FBXL7: variants seen among roughly 807,000 people sequenced by gnomAD.
FBXL7 encodes the protein F-box and leucine rich repeat protein 7.
Under a neutral mutation model 38.3 loss-of-function variants are expected in FBXL7, and 12 were observed. The ratio of observed to expected loss-of-function variants is 0.31; its 90% CI spans 0.20 to 0.51. The LOEUF (loss-of-function observed/expected upper bound fraction) is 0.51, where lower values mean the gene tolerates loss of function less well. Ranked by LOEUF, FBXL7 falls within the 20% of genes least tolerant of loss-of-function variation. The pLI is 0.98. For missense variants in FBXL7, 567 were observed against 676.4 expected (o/e 0.84, Z 1.79); for synonymous variants, 297 against 300.9 (o/e 0.99, Z 0.13).
At chr5:15,658,975 C>T (rs1290169974) in intron 2 of FBXL7, among the ~76,000 whole-genome samples, 1 of 152,122 alleles carries the variant, frequency 6.6e-6, no homozygotes, top group Non-Finnish European at 1.5e-5. Flanking sequence ...TTCACTGGGA[C>T]TTCTTGCCAC....
intron 2 of FBXL7, among the ~76,000 whole-genome samples, chr5:15,917,550 G>A (rs1290025358): frequency 1.3e-5 from 2 of 151,996 alleles, no homozygotes; most frequent in African/African-American, 4.8e-5. Flanking sequence ...CAAGGTTGCA[G>A]TGAGCTTTGA....
chr5:15,566,981 G>A (rs1281536637), intron 1 of FBXL7, among the ~76,000 whole-genome samples: 1 of 152,112 alleles, frequency 6.6e-6, no homozygotes, highest in African/African-American at 2.4e-5. Context: ...GGGGATCTGA[G>A]AGAACAATCA....
chr5:15,516,903 C>G (rs946236546), intron 1 of FBXL7, among the ~76,000 whole-genome samples: 18 of 152,202 alleles, frequency 1.2e-4, no homozygotes, highest in African/African-American at 4.3e-4. Flanking sequence ...CTATGCTGAA[C>G]TGTGAGTCAG....
intron 2 of FBXL7, among the ~76,000 whole-genome samples, chr5:15,746,533 C>T (rs1736018070): frequency 6.6e-6 from 1 of 151,912 alleles, no homozygotes; most frequent in Admixed American, 6.6e-5. Flanking sequence ...ATTGTGTCCT[C>T]ACATGGCAGG....
intron 3 of FBXL7, among the ~76,000 whole-genome samples, chr5:15,931,823 C>T (rs559713090): frequency 1.3e-5 from 2 of 152,246 alleles, no homozygotes; most frequent in South Asian, 4.1e-4. Flanking sequence ...GCCTGCTGCC[C>T]CTCCTCGAGA....
chr5:15,548,835 T>C (rs939616582), intron 1 of FBXL7, among the ~76,000 whole-genome samples: 13 of 152,202 alleles, frequency 8.5e-5, no homozygotes, highest in African/African-American at 3.1e-4. Context: ...GCAGGGAATC[T>C]ACATTTTTAC....
At chr5:15,886,245 G>T (rs887989975) in intron 2 of FBXL7, among the ~76,000 whole-genome samples, 2 of 151,960 alleles carry the variant, frequency 1.3e-5, no homozygotes, top group African/African-American at 4.8e-5. Context: ...AAATGTATAT[G>T]TGCATACCTG....
chr5:15,550,196 G>C (rs576737941), intron 1 of FBXL7, among the ~76,000 whole-genome samples: 1 of 152,284 alleles, frequency 6.6e-6, no homozygotes, highest in East Asian at 1.9e-4. Flanking sequence ...AACTTGGCAG[G>C]ACTTTTCGAA....
At chr5:15,541,381 T>TAC (rs1214934755) in intron 1 of FBXL7, among the ~76,000 whole-genome samples, 5 of 144,170 alleles carry the variant, frequency 3.5e-5, no homozygotes, top group South Asian at 2.2e-4. Flanking sequence ...CATATATATA[T>TAC]ACACACACAT....
chr5:15,888,446 C>T (rs1370526617), intron 2 of FBXL7, among the ~76,000 whole-genome samples: 5 of 151,974 alleles, frequency 3.3e-5, no homozygotes, highest in African/African-American at 1.2e-4. Flanking sequence ...CCAGGCTGGT[C>T]TCGAACTCCT....
intron 2 of FBXL7, among the ~76,000 whole-genome samples, chr5:15,669,243 T>G (rs1441681840): frequency 6.6e-6 from 1 of 152,196 alleles, no homozygotes; most frequent in African/African-American, 2.4e-5. Context: ...GTTTTCTTAT[T>G]GAGGTATGAT....
intron 1 of FBXL7, among the ~76,000 whole-genome samples, chr5:15,565,460 G>T (rs1738539956): frequency 4.6e-5 from 7 of 151,654 alleles, no homozygotes; most frequent in Admixed American, 4.6e-4. Flanking sequence ...GAACCAATAG[G>T]AGATGTATGT....
chr5:15,526,933 G>A (rs1025668485), intron 1 of FBXL7, among the ~76,000 whole-genome samples: 3 of 152,078 alleles, frequency 2.0e-5, no homozygotes, highest in Admixed American at 6.5e-5. Flanking sequence ...TTACAATGTC[G>A]GGCTCTCCGT....
intron 1 of FBXL7, among the ~76,000 whole-genome samples, chr5:15,503,687 T>A (rs1371022089): frequency 6.6e-6 from 1 of 152,230 alleles, no homozygotes; most frequent in Non-Finnish European, 1.5e-5. Context: ...GCTGCCTGAT[T>A]TGCGAATTGT....
At chr5:15,739,261 C>T (rs1262376106) in intron 2 of FBXL7, among the ~76,000 whole-genome samples, 1 of 152,148 alleles carries the variant, frequency 6.6e-6, no homozygotes, top group African/African-American at 2.4e-5. Context: ...TTGATTCTGC[C>T]TCTTGCCCTT....
chr5:15,936,892 G>C lies in FBXL7; in HGVS notation c.1182G>C (p.Val394=). ...GCGAGGGCATCACGGACCACGGTGT[G>C]GAGTACCTCGCCAAGAACTGCACCA... The part of the protein sequence containing the change: ...RGCEGITDHG[V]EYLAKNCTKL... The change falls in exon 4 of 4, where the codon GTG becomes GTC. Residue 394 remains valine (V), a synonymous_variant. Coordinates refer to ENST00000504595, the MANE Select transcript of FBXL7 (RefSeq NM_012304.5). This position sits in a 1 kb window ranked among gnomAD's most constrained non-coding sequence, Gnocchi z 6.0. 1 of 1,614,032 alleles carries C rather than the reference G, an allele frequency of 6.2e-7. No individual in the cohort carries two copies. Among genetic ancestry groups the C allele is most frequent in the Non-Finnish European group, 8.5e-7 (1 of 1,179,892 alleles).
At chr5:15,713,825 G>A (rs1294985046) in intron 2 of FBXL7, among the ~76,000 whole-genome samples, 2 of 152,184 alleles carry the variant, frequency 1.3e-5, no homozygotes, top group South Asian at 4.1e-4. Flanking sequence ...GAAGAATTAG[G>A]AAATGTGGAG....
chr5:15,589,336 C>T (rs1160381276), intron 1 of FBXL7, among the ~76,000 whole-genome samples: 1 of 151,656 alleles, frequency 6.6e-6, no homozygotes, highest in Non-Finnish European at 1.5e-5. Context: ...GGTGGATTTC[C>T]CCCGGCTTTT....
At chr5:15,644,102 G>T (rs1580429950) in intron 2 of FBXL7, among the ~76,000 whole-genome samples, 1 of 152,042 alleles carries the variant, frequency 6.6e-6, no homozygotes, top group African/African-American at 2.4e-5. Context: ...ATGATTTGGA[G>T]CAAGGAGGTA....
Sources: allele counts gnomAD v4.1 joint callset (sites outside exome capture counted in the v4.1 genomes callset), GRCh38; gene constraint gnomAD v4.1.1; non-coding constraint Gnocchi (gnomAD v3.1); transcripts MANE v1.5; gene names NCBI Gene and HGNC (gene_info 2026-07-23, HGNC 2026-07-21).